The following CTNND2 variants were observed in gnomAD, a reference collection of about 807,000 sequenced individuals.
CTNND2 encodes catenin delta 2.
A neutral mutation model predicts 144.4 loss-of-function variants in CTNND2; 22 were observed. The observed-to-expected ratio is 0.15, with a 90% confidence interval of 0.11 to 0.22. The LOEUF (loss-of-function observed/expected upper bound fraction) is 0.22, where lower values mean the gene tolerates loss of function less well. Ranked by LOEUF, CTNND2 falls within the 10% of genes least tolerant of loss-of-function variation. The pLI is 1.00. For missense variants in CTNND2, 1,353 were observed against 1,618.8 expected (o/e 0.84, Z 2.82); for synonymous variants, 751 against 695.6 (o/e 1.08, Z -1.25).
At position 11,813,793 on chromosome 5, in the gene CTNND2, C is replaced by T. The variant is rs371984652; in HGVS notation, c.38-81521G>A. Among the ~76,000 whole-genome samples the T allele has an allele frequency of 2.0e-4, 31 of 152,312 alleles. No homozygotes were observed. In the South Asian group the frequency reaches 6.2e-3, roughly 31 times the overall value. ...CCTCCCAAAGCACTGGGATTAAAGG[C>T]ATGAGCCACCCCACTCAGCCTAGAA... On this transcript the variant is annotated intron_variant, in intron 1 of 21. Transcript: ENST00000304623.
chr5:11,408,558 A>AT (rs1761267422), intron 5 of CTNND2, among the ~76,000 whole-genome samples: 1 of 152,076 alleles, frequency 6.6e-6, no homozygotes, highest in Non-Finnish European at 1.5e-5. Flanking sequence ...TCAAAGCAGG[A>AT]TGAAGGAGCT....
chr5:11,272,134 G>T (rs138847750), intron 9 of CTNND2, among the ~76,000 whole-genome samples: 1 of 152,056 alleles, frequency 6.6e-6, no homozygotes, highest in Admixed American at 6.5e-5. Context: ...TAAACAGAGA[G>T]TTTAGATAAT....
intron 3 of CTNND2, among the ~76,000 whole-genome samples, chr5:11,463,708 T>G (rs1361468332): frequency 6.6e-6 from 1 of 152,006 alleles, no homozygotes; most frequent in Non-Finnish European, 1.5e-5. Context: ...CTTTAAGGAT[T>G]CTTTATATCA....
chr5:11,107,048 T>A (rs555120989), intron 14 of CTNND2, among the ~76,000 whole-genome samples: 1 of 152,140 alleles, frequency 6.6e-6, no homozygotes, highest in Non-Finnish European at 1.5e-5. Context: ...TCTACATCAG[T>A]GGAAATACAC....
intron 3 of CTNND2, among the ~76,000 whole-genome samples, chr5:11,417,529 A>G (rs998496639): frequency 3.1e-4 from 47 of 152,212 alleles, no homozygotes; most frequent in African/African-American, 1.1e-3. Context: ...GTGCACAGCA[A>G]AAAAACAAAA....
chr5:11,793,334 C>A (rs139295241), intron 1 of CTNND2, among the ~76,000 whole-genome samples: 1 of 152,158 alleles, frequency 6.6e-6, no homozygotes, highest in Non-Finnish European at 1.5e-5. Flanking sequence ...ATCCTTGATG[C>A]CTTTCATAAT....
At chr5:11,189,014 T>C (rs1735971630) in intron 11 of CTNND2, among the ~76,000 whole-genome samples, 1 of 152,200 alleles carries the variant, frequency 6.6e-6, no homozygotes, top group Admixed American at 6.5e-5. Context: ...GTCTGTCTTG[T>C]CCACTACGAC....
chr5:11,711,714 G>A (rs1292125738), intron 2 of CTNND2, among the ~76,000 whole-genome samples: 1 of 152,144 alleles, frequency 6.6e-6, no homozygotes, highest in African/African-American at 2.4e-5. Flanking sequence ...AACACTCCTA[G>A]TTACTGTTAA....
At chr5:11,441,544 A>C (rs1764263086) in intron 3 of CTNND2, among the ~76,000 whole-genome samples, 1 of 150,758 alleles carries the variant, frequency 6.6e-6, no homozygotes, top group East Asian at 1.9e-4. Flanking sequence ...ATGCCCAGCT[A>C]ATTTTTTTTT....
intron 3 of CTNND2, among the ~76,000 whole-genome samples, chr5:11,547,794 A>G (rs1051552963): frequency 1.3e-5 from 2 of 152,190 alleles, no homozygotes; most frequent in African/African-American, 4.8e-5. Flanking sequence ...TGCCAGTGGG[A>G]AAGTAACTTT....
At chr5:11,664,791 C>T (rs1034437019) in intron 2 of CTNND2, among the ~76,000 whole-genome samples, 2 of 152,140 alleles carry the variant, frequency 1.3e-5, no homozygotes, top group African/African-American at 4.8e-5. Flanking sequence ...GAATTGATAA[C>T]TTAGTCTTCC....
At chr5:11,846,438 C>A (rs1224927977) in intron 1 of CTNND2, among the ~76,000 whole-genome samples, 1 of 152,042 alleles carries the variant, frequency 6.6e-6, no homozygotes, top group African/African-American at 2.4e-5. Context: ...ATACAAAAAT[C>A]AACTCTAAAT....
At chr5:11,404,208 A>C (rs1400179213) in intron 5 of CTNND2, among the ~76,000 whole-genome samples, 2 of 152,194 alleles carry the variant, frequency 1.3e-5, no homozygotes, top group Admixed American at 6.5e-5. Context: ...AGTATCTCTT[A>C]GTATTATTAT....
chr5:11,764,198 C>T (rs1789444242), intron 1 of CTNND2, among the ~76,000 whole-genome samples: 1 of 152,140 alleles, frequency 6.6e-6, no homozygotes. Context: ...CCAAGGAATG[C>T]AGGCAGCCTC....
At chr5:11,585,825 T>TACC (rs1479654572) in intron 2 of CTNND2, among the ~76,000 whole-genome samples, 3 of 152,060 alleles carry the variant, frequency 2.0e-5, no homozygotes, top group Non-Finnish European at 2.9e-5. Flanking sequence ...GTGAGGCGTG[T>TACC]GTATACCTGG....
At chr5:11,432,029 C>T (rs1355219731) in intron 3 of CTNND2, among the ~76,000 whole-genome samples, 2 of 151,570 alleles carry the variant, frequency 1.3e-5, no homozygotes, top group East Asian at 1.9e-4. Context: ...TGCTTCATTG[C>T]TTCCTGGGTA....
rs189114732 is a variant in CTNND2 at position 11,146,696 on chromosome 5, A to C, written c.2159+12880T>G. Among the ~76,000 whole-genome samples, 350 of 152,298 alleles carry C rather than the reference A, an allele frequency of 2.3e-3. 3 individuals carry two copies. The highest frequency in any genetic ancestry group is 7.9e-3 in the African/African-American group (329 of 41,574). Reference sequence around the variant, plus strand: ...GGTGGTTGAGGAATTCAGAATCATAAAAACCAAGGGCAACATGAGCACATC... The same window carrying C: ...GGTGGTTGAGGAATTCAGAATCATACAAACCAAGGGCAACATGAGCACATC... On this transcript the variant is annotated intron_variant, in intron 12 of 21. Transcript: ENST00000304623.
At chr5:11,641,111 A>G (rs1194300532) in intron 2 of CTNND2, among the ~76,000 whole-genome samples, 1 of 152,162 alleles carries the variant, frequency 6.6e-6, no homozygotes. Flanking sequence ...GGTCGTTCTG[A>G]GCACAGGATT....
At chr5:11,035,004 C>T (rs1057211866) in intron 16 of CTNND2, among the ~76,000 whole-genome samples, 1 of 148,508 alleles carries the variant, frequency 6.7e-6, no homozygotes, top group East Asian at 2.0e-4. Context: ...GTATATCTCC[C>T]AATGCTATCC....
Sources: gnomAD v4.1 joint callset for allele counts (sites outside exome capture counted in the v4.1 genomes callset) on GRCh38, gnomAD v4.1.1 for gene constraint, MANE v1.5 for transcripts, NCBI Gene and HGNC (gene_info 2026-07-23, HGNC 2026-07-21) for gene names.